The following CCDC102B variants were observed in gnomAD, a reference collection of about 807,000 sequenced individuals.
CCDC102B encodes coiled-coil domain-containing protein 102B.
CCDC102B carries 75 observed loss-of-function variants against 57.4 expected under a neutral mutation model. The ratio of observed to expected loss-of-function variants is 1.31; its 90% CI spans 1.08 to 1.58. The LOEUF (loss-of-function observed/expected upper bound fraction) is 1.58, where lower values mean the gene tolerates loss of function less well. Among genes scored for constraint, CCDC102B ranks in the 40% most tolerant of loss-of-function variants. CCDC102B has a pLI of 0.00. For missense variants in CCDC102B, 636 were observed against 582.6 expected (o/e 1.09, Z -0.94); for synonymous variants, 206 against 201.9 (o/e 1.02, Z -0.17).
chr18:68,998,358 TATACATCTACATATGTATAC>T (rs200021460), intron 6 of CCDC102B, among the ~76,000 whole-genome samples: 5,213 of 146,114 alleles, frequency 0.036, 319 homozygotes, highest in African/African-American at 0.12. Context: ...CACATGTATA[TATACATCTACATATGTATAC>T]ATACATCTAC....
At chr18:68,858,021 TG>T (rs1042307357) in intron 4 of CCDC102B, among the ~76,000 whole-genome samples, 24 of 152,210 alleles carry the variant, frequency 1.6e-4, no homozygotes, top group African/African-American at 5.8e-4. Context: ...TTAATCTATC[TG>T]GGATTCTCCC....
chr18:68,994,794 C>G lies in CCDC102B; in HGVS notation c.1264-16140C>G, dbSNP rs184990240. Reference sequence around the variant, plus strand: ...CCTTTGTAAATTACTCAGTCTCAGACAGTTCTTTATAGCAGTGTGAAAACA... The same window carrying G: ...CCTTTGTAAATTACTCAGTCTCAGAGAGTTCTTTATAGCAGTGTGAAAACA... On this transcript the variant is annotated intron_variant, in intron 6 of 7. Transcript: ENST00000360242. Among the ~76,000 whole-genome samples, 1,092 of 152,324 alleles carry G rather than the reference C, an allele frequency of 7.2e-3. 8 individuals are homozygous for G. Among genetic ancestry groups the G allele is most frequent in the Middle Eastern group, 0.024 (7 of 294 alleles).
intron 2 of CCDC102B, among the ~76,000 whole-genome samples, chr18:68,788,025 T>G (rs1354418796): frequency 6.6e-6 from 1 of 151,086 alleles, no homozygotes; most frequent in Non-Finnish European, 1.5e-5. Context: ...TCTGGTATGT[T>G]GTGTCTTTGT....
chr18:68,773,967 AG>A (rs144412434), intron 2 of CCDC102B, among the ~76,000 whole-genome samples: 1,569 of 152,158 alleles, frequency 0.01, 25 homozygotes, highest in African/African-American at 0.035. Context: ...TTCTTTCAAT[AG>A]TACCTATAAT....
intron 6 of CCDC102B, among the ~76,000 whole-genome samples, chr18:68,963,471 T>A (rs2050094164): frequency 6.6e-6 from 1 of 151,872 alleles, no homozygotes; most frequent in Non-Finnish European, 1.5e-5. Context: ...CTATAAGTGA[T>A]TGCTTTAAAT....
At chr18:68,947,027 A>C (rs1169392217) in intron 6 of CCDC102B, among the ~76,000 whole-genome samples, 1 of 152,064 alleles carries the variant, frequency 6.6e-6, no homozygotes, top group Non-Finnish European at 1.5e-5. Flanking sequence ...GTTTCACAGG[A>C]TAAAAATCAC....
chr18:68,950,616 A>G (rs1408297821), intron 6 of CCDC102B, among the ~76,000 whole-genome samples: 1 of 152,076 alleles, frequency 6.6e-6, no homozygotes, highest in African/African-American at 2.4e-5. Flanking sequence ...TCGATTCTCA[A>G]TCTGTTTCCC....
intron 6 of CCDC102B, among the ~76,000 whole-genome samples, chr18:69,009,295 A>G (rs938795922): frequency 2.6e-5 from 4 of 152,140 alleles, no homozygotes; most frequent in African/African-American, 2.4e-5. Context: ...ATGCAGACAG[A>G]TCTAGGCGTC....
chr18:68,733,376 A>T (rs575815554), intron 2 of CCDC102B, among the ~76,000 whole-genome samples: 7 of 151,756 alleles, frequency 4.6e-5, no homozygotes, highest in Admixed American at 4.6e-4. Context: ...TCTCTTTGCA[A>T]ATTACCTTGT....
At chr18:68,821,827 T>G (rs1165197765) in intron 1 of CCDC102B, among the ~76,000 whole-genome samples, 1 of 152,058 alleles carries the variant, frequency 6.6e-6, no homozygotes, top group Non-Finnish European at 1.5e-5. Context: ...AAACTATATA[T>G]ACACCATTTA....
chr18:68,733,627 C>G (rs1261678127), intron 2 of CCDC102B, among the ~76,000 whole-genome samples: 3 of 151,638 alleles, frequency 2.0e-5, no homozygotes, highest in Non-Finnish European at 4.4e-5. Flanking sequence ...CAATCAACCT[C>G]ACGTGTTACG....
intron 1 of CCDC102B, among the ~76,000 whole-genome samples, chr18:68,827,545 A>G (rs922944459): frequency 1.3e-5 from 2 of 152,192 alleles, no homozygotes; most frequent in East Asian, 1.9e-4. Context: ...CCAAACAAAA[A>G]TTCAAATAAC....
In CCDC102B at chr18:69,010,947, T is replaced by G. The variant is rs567681416; in HGVS notation, c.1277T>G (p.Leu426Arg). The change falls in exon 7 of 8, where the codon CTT (leucine) becomes CGT (arginine). Residue 426 changes from leucine to arginine, a missense_variant. Coordinates refer to ENST00000360242, the MANE Select transcript of CCDC102B (RefSeq NM_024781.3). ...TTCCTTTGAAAGGAATTACTGAACCTTCAACATGCCTACTATAAACTAAAC... is the reference window on the plus strand; with the variant it reads ...TTCCTTTGAAAGGAATTACTGAACCGTCAACATGCCTACTATAAACTAAAC... ...LQEKNQELLN[L>R]QHAYYKLNRQ... The G allele has an allele frequency of 1.3e-6, 2 of 1,595,004 alleles. No individual in the cohort carries two copies. The highest frequency in any genetic ancestry group is 2.7e-5 in the African/African-American group (2 of 74,510).
intron 1 of CCDC102B, among the ~76,000 whole-genome samples, chr18:68,823,840 C>G (rs1323891985): frequency 6.6e-6 from 1 of 151,940 alleles, no homozygotes; most frequent in East Asian, 1.9e-4. Context: ...TGTTTGTTGA[C>G]TTATTGTGTG....
intron 6 of CCDC102B, among the ~76,000 whole-genome samples, chr18:68,903,939 A>G (rs1215023475): frequency 6.6e-6 from 1 of 152,218 alleles, no homozygotes; most frequent in East Asian, 1.9e-4. Context: ...AGGAATTACA[A>G]TGTGTTTATT....
chr18:68,840,710 AC>A (rs1245120693), intron 3 of CCDC102B, among the ~76,000 whole-genome samples: 1 of 152,188 alleles, frequency 6.6e-6, no homozygotes, highest in Non-Finnish European at 1.5e-5. Context: ...CAGCCCACAT[AC>A]AATATTACTT....
chr18:68,841,931 G>A (rs2037652027), intron 3 of CCDC102B, among the ~76,000 whole-genome samples: 1 of 151,834 alleles, frequency 6.6e-6, no homozygotes, highest in Non-Finnish European at 1.5e-5. Flanking sequence ...TAGAGACGGG[G>A]TTTTGCCATA....
chr18:68,769,060 C>A (rs1180668500), intron 2 of CCDC102B, among the ~76,000 whole-genome samples: 1 of 151,938 alleles, frequency 6.6e-6, no homozygotes, highest in Non-Finnish European at 1.5e-5. Flanking sequence ...TCAAGACCAG[C>A]CTGACCAACA....
chr18:68,828,391 C>T (rs1287222692), intron 1 of CCDC102B, among the ~76,000 whole-genome samples: 1 of 140,030 alleles, frequency 7.1e-6, no homozygotes, highest in African/African-American at 2.6e-5. Context: ...AGAGTATGTT[C>T]TCTTTCTGTA....
Sources: allele counts gnomAD v4.1 joint callset (sites outside exome capture counted in the v4.1 genomes callset), GRCh38; gene constraint gnomAD v4.1.1; transcripts MANE v1.5; gene names NCBI Gene and HGNC (gene_info 2026-07-23, HGNC 2026-07-21).